Variants in MTMR14 observed in about 807,000 individuals in gnomAD.
The protein encoded by MTMR14 is phosphatidylinositol-3,5-bisphosphate 3-phosphatase MTMR14.
MTMR14 carries 48 observed loss-of-function variants against 86.3 expected under a neutral mutation model. The ratio of observed to expected loss-of-function variants is 0.56; its 90% CI spans 0.44 to 0.71. MTMR14 has a LOEUF of 0.71. Among genes scored for constraint, MTMR14 ranks in the 30% least tolerant of loss-of-function variants. MTMR14 has a pLI of 0.00. For missense variants in MTMR14, 780 were observed against 834.6 expected (o/e 0.93, Z 0.81); for synonymous variants, 366 against 326.1 (o/e 1.12, Z -1.32).
At chr3:9,688,673 A>G (rs1309233631) in intron 14 of MTMR14, 23 bp from the exon 15 acceptor site, 1 of 1,613,990 alleles carries the variant, frequency 6.2e-7, no homozygotes, top group Non-Finnish European at 8.5e-7. Flanking sequence ...TCTGGAATTT[A>G]CTGCTCCGGC....
At chr3:9,694,372 G>T (rs551874940) in intron 17 of MTMR14, among the ~76,000 whole-genome samples, 10 of 152,302 alleles carry the variant, frequency 6.6e-5, no homozygotes, top group African/African-American at 2.4e-4. Flanking sequence ...GTTGGGCATG[G>T]TGGCTCATGT....
chr3:9,701,780 C>T lies in MTMR14; in HGVS notation c.1770-10C>T. 1 of 1,613,506 alleles carries T rather than the reference C, an allele frequency of 6.2e-7. No homozygotes were observed. Among genetic ancestry groups the T allele is most frequent in the Non-Finnish European group, 8.5e-7 (1 of 1,180,026 alleles). ...TAATGTCTTTGTTCTTTCTCTTGAC[C>T]TCCCCATAGGCTTGCAGCCCTGAGT... On this transcript the variant is annotated splice_polypyrimidine_tract_variant and intron_variant, in intron 18 of 18. Transcript: ENST00000296003. The surrounding 1 kb of genome is among the most constrained non-coding windows in gnomAD (Gnocchi z 4.2).
At chr3:9,680,736 C>T (rs1296495132) in intron 9 of MTMR14, among the ~76,000 whole-genome samples, 2 of 152,208 alleles carry the variant, frequency 1.3e-5, no homozygotes, top group Admixed American at 6.5e-5. Context: ...ACTCGGGAGA[C>T]TGAGGCAGGA....
chr3:9,686,100 T>C (rs1252920622), intron 13 of MTMR14, among the ~76,000 whole-genome samples: 3 of 152,196 alleles, frequency 2.0e-5, no homozygotes, highest in Non-Finnish European at 2.9e-5. Context: ...GGGCATCTTA[T>C]CTCGCACCTC....
At chr3:9,653,555 A>G in intron 1 of MTMR14, 66 bp from the exon 2 acceptor site, 2 of 1,605,618 alleles carry the variant, frequency 1.2e-6, no homozygotes, top group East Asian at 2.2e-5. Flanking sequence ...TAGGCCATGG[A>G]CCTCCTAATT....
chr3:9,697,776 CG>C lies in MTMR14; in HGVS notation c.1682del (p.Gly561AlafsTer34), dbSNP rs2076328259. 1 of 1,614,056 alleles carries C rather than the reference CG, an allele frequency of 6.2e-7. No individual in the cohort carries two copies. The highest frequency in any genetic ancestry group is 8.5e-7 in the Non-Finnish European group (1 of 1,180,018). ...STDYGSWQMV[T>X]GCGSIQERAV... The stretch of plus-strand genomic sequence containing the variant: ...GACTATGGCAGCTGGCAGATGGTAA[CG>C]GGCTGTGGCAGTATTCAGGAGCGGG... On this transcript the variant is annotated frameshift_variant, in exon 18 of 19. Transcript: ENST00000296003. LOFTEE classifies it high-confidence loss of function.
At chr3:9,679,706 A>T (rs73811565) in intron 9 of MTMR14, among the ~76,000 whole-genome samples, 3,997 of 152,288 alleles carry the variant, frequency 0.026, 166 homozygotes, top group African/African-American at 0.09. Flanking sequence ...TACCTATTTC[A>T]GAGTTGTGCC....
intron 3 of MTMR14, among the ~76,000 whole-genome samples, chr3:9,662,753 C>T (rs570699982): frequency 7.9e-5 from 12 of 152,256 alleles, no homozygotes; most frequent in Admixed American, 7.9e-4. Context: ...TCCATTCTTT[C>T]AATTATATAA....
Position 9,702,117 on chromosome 3 carries a change from G to T in MTMR14, c.*144G>T. ...CCATCATGAACATGGCAGCCCCAAAGCTGAGCAAGGCCAAAGACAGGGTTT... is the reference window on the plus strand; with the variant it reads ...CCATCATGAACATGGCAGCCCCAAATCTGAGCAAGGCCAAAGACAGGGTTT... On this transcript the variant is annotated 3_prime_UTR_variant, in exon 19 of 19. Coordinates refer to ENST00000296003, the MANE Select transcript of MTMR14 (RefSeq NM_001077525.3). 9.4e-7 allele frequency: 1 copy of T among 1,060,238 alleles called. No homozygotes were observed. Among genetic ancestry groups the T allele is most frequent in the Non-Finnish European group, 1.4e-6 (1 of 711,904 alleles). 65.7% of individuals were successfully genotyped at this position (1,060,238 alleles called of 1,614,324 possible). A position where few individuals can be genotyped will look rare whatever the true frequency, so the allele number is the denominator to read the frequency against.
intron 1 of MTMR14, among the ~76,000 whole-genome samples, chr3:9,652,310 T>C (rs1196579228): frequency 6.6e-6 from 1 of 152,216 alleles, no homozygotes; most frequent in African/African-American, 2.4e-5. Flanking sequence ...GCCTTTTTTC[T>C]GTTGTGTTTT....
intron 9 of MTMR14, among the ~76,000 whole-genome samples, chr3:9,681,165 TACTG>T (rs1338494066): frequency 1.3e-5 from 2 of 152,166 alleles, no homozygotes; most frequent in East Asian, 3.8e-4. Context: ...GTGTGAGGCT[TACTG>T]AATGAATGAA....
chr3:9,675,605 A>G (rs2075542323), intron 7 of MTMR14: 2 of 457,300 alleles, frequency 4.4e-6, no homozygotes, highest in Middle Eastern at 3.2e-4. Context: ...CCTTGAGTGA[A>G]TGGCACTTCT....
At chr3:9,663,588 A>C (rs1158861606) in intron 3 of MTMR14, among the ~76,000 whole-genome samples, 2 of 132,484 alleles carry the variant, frequency 1.5e-5, no homozygotes, top group African/African-American at 5.9e-5. Context: ...ATCTCAGCTC[A>C]CTGCAAGCTC....
intron 6 of MTMR14, 92 bp downstream of exon 6, chr3:9,671,262 CCTT>C: frequency 6.4e-7 from 1 of 1,568,978 alleles, no homozygotes; most frequent in Non-Finnish European, 8.7e-7. Flanking sequence ...TGCGTGCTGG[CCTT>C]CTTACAAAGG....
chr3:9,685,010 C>T, intron 12 of MTMR14, 46 bp downstream of exon 12: 2 of 1,582,686 alleles, frequency 1.3e-6, no homozygotes, highest in Non-Finnish European at 1.7e-6. Flanking sequence ...GTAACAGTTT[C>T]TATATGTGAG....
chr3:9,658,512 G>A (rs2047738231), intron 2 of MTMR14, among the ~76,000 whole-genome samples: 1 of 152,224 alleles, frequency 6.6e-6, no homozygotes, highest in South Asian at 2.1e-4. Context: ...CAATAAAGAA[G>A]CAATAATTGT....
chr3:9,701,508 T>TG lies in MTMR14; in HGVS notation c.1770-281dup, dbSNP rs1039059184. 9 of 467,328 alleles carry TG rather than the reference T, an allele frequency of 1.9e-5. No individual in the cohort carries two copies. The highest frequency in any genetic ancestry group is 1.9e-4 in the African/African-American group (9 of 48,072). 28.9% of individuals were successfully genotyped at this position (467,328 alleles called of 1,614,324 possible). A position where few individuals can be genotyped will look rare whatever the true frequency, so the allele number is the denominator to read the frequency against. The stretch of plus-strand genomic sequence containing the variant: ...CTGCATTCCAGCCTGGGCAATAGAG[T>TG]GAGACCTTGTCTCAAGAAAAAAAAA... On this transcript the variant is annotated intron_variant, in intron 18 of 18. Transcript: ENST00000296003. This position sits in a 1 kb window ranked among gnomAD's most constrained non-coding sequence, Gnocchi z 4.2.
At chr3:9,675,357 A>C (rs1026309176) in intron 7 of MTMR14, among the ~76,000 whole-genome samples, 10 of 152,174 alleles carry the variant, frequency 6.6e-5, no homozygotes, top group Non-Finnish European at 1.5e-4. Flanking sequence ...TAATAAGAAA[A>C]AGAAATAAAA....
intron 1 of MTMR14, among the ~76,000 whole-genome samples, chr3:9,651,056 C>G (rs376598349): frequency 1.3e-5 from 2 of 152,242 alleles, no homozygotes; most frequent in African/African-American, 4.8e-5. Flanking sequence ...TCCCAAAGTG[C>G]TGGGATACAG....
Sources: allele counts gnomAD v4.1 joint callset (sites outside exome capture counted in the v4.1 genomes callset), GRCh38; gene constraint gnomAD v4.1.1; non-coding constraint Gnocchi (gnomAD v3.1); transcripts MANE v1.5; gene names NCBI Gene and HGNC (gene_info 2026-07-23, HGNC 2026-07-21).